Variants in XPC observed in about 807,000 individuals in gnomAD.
The protein encoded by XPC is DNA repair protein complementing XP-C cells.
Under a neutral mutation model 95.8 loss-of-function variants are expected in XPC, and 76 were observed. That is an observed-to-expected ratio of 0.79 (90% confidence interval 0.66 to 0.96). XPC has a LOEUF of 0.96. XPC is among the 40% of genes least tolerant of loss of function. The pLI is 0.00. For synonymous variants in XPC, 442 were observed against 442.1 expected, an observed-to-expected ratio of 1.00 and a Z score of 0.00; for missense variants, 1,146 against 1,179.8, an observed-to-expected ratio of 0.97 and a Z score of 0.42.
chr3:14,177,814 C>A (rs893510249), intron 1 of XPC, among the ~76,000 whole-genome samples: 2 of 151,136 alleles, frequency 1.3e-5, no homozygotes, highest in East Asian at 3.9e-4. Flanking sequence ...TGGACAGGGG[C>A]TGTGGTCATG....
chr3:14,148,451 G>A (rs1695537431), intron 13 of XPC, 111 bp downstream of exon 13: 3 of 1,421,936 alleles, frequency 2.1e-6, no homozygotes, highest in Admixed American at 5.3e-5. Context: ...CTGAAAATTG[G>A]AGCCACCAGG....
At chr3:14,163,444 T>A (rs1346564231) in intron 7 of XPC, among the ~76,000 whole-genome samples, 1 of 152,240 alleles carries the variant, frequency 6.6e-6, no homozygotes, top group Non-Finnish European at 1.5e-5. Context: ...TACTGATACA[T>A]GCTAAAATGC....
chr3:14,148,180 T>A (rs1005972197), intron 13 of XPC, 179 bp from the exon 14 acceptor site: 22 of 604,284 alleles, frequency 3.6e-5, no homozygotes, highest in Admixed American at 2.5e-4. Context: ...AAGCTGGCAC[T>A]GCCTCTTCCT....
rs3731104 is a variant in XPC at position 14,166,548 on chromosome 3, C to T, written c.621+621G>A. Among the ~76,000 whole-genome samples, 116 of 150,688 alleles carry T rather than the reference C, an allele frequency of 7.7e-4. No homozygotes were observed. The South Asian group carries it at 0.021, about 27-fold the overall frequency. On this transcript the variant is annotated intron_variant, in intron 5 of 15. Coordinates refer to ENST00000285021, the MANE Select transcript of XPC (RefSeq NM_004628.5). ...CCCCAACACCTACATACTCCACACA[C>T]GCAGGTGAGCTGGGCACCTCGCCGT...
chr3:14,148,104 G>A (rs923241442), intron 13 of XPC, 103 bp from the exon 14 acceptor site: 8 of 973,006 alleles, frequency 8.2e-6, no homozygotes, highest in African/African-American at 6.6e-5. Flanking sequence ...TGAGCACTAG[G>A]GGTCCTGAAG....
chr3:14,159,913 G>A (rs1696102064), intron 7 of XPC, 83 bp from the exon 8 acceptor site: 13 of 1,352,784 alleles, frequency 9.6e-6, no homozygotes, highest in South Asian at 5.1e-5. Context: ...TATGGTGCTT[G>A]TTCAAGACAG....
At chr3:14,170,229 C>A (rs1203125308) in intron 3 of XPC, among the ~76,000 whole-genome samples, 1 of 152,202 alleles carries the variant, frequency 6.6e-6, no homozygotes, top group Non-Finnish European at 1.5e-5. Context: ...TGACAGTCAC[C>A]AGAGGAAGAG....
intron 1 of XPC, 129 bp from the exon 2 acceptor site, chr3:14,173,191 C>T (rs533686242): frequency 5.9e-4 from 527 of 894,094 alleles, no homozygotes; most frequent in Non-Finnish European, 7.6e-4. Flanking sequence ...GGTTCACCAT[C>T]CCCTGTCTGG....
In XPC at chr3:14,164,922, G is replaced by A. The variant is rs1696314317; in HGVS notation, c.791C>T (p.Thr264Ile). Residue 264 changes from threonine (T) to isoleucine (I), a missense_variant, in exon 7 of 16, where the codon ACA (threonine) becomes ATA (isoleucine). Physicochemically the swap from Thr to Ile is moderately conservative, Grantham distance 89 (BLOSUM62 -1). Transcript: ENST00000285021. ...LSNLVKWFIG[T>I]FTVNAELSAS... ...TGAAAGTTCTGCATTAACTGTAAAT[G>A]TTCCAATGAACCTGGGGAGAAAGCA... is the stretch of plus-strand genomic sequence containing the variant. The A allele has an allele frequency of 6.2e-7, 1 of 1,609,848 alleles. No homozygotes were observed. Among genetic ancestry groups the A allele is most frequent in the Non-Finnish European group, 8.5e-7 (1 of 1,178,122 alleles).
Position 14,172,969 on chromosome 3 carries a change from G to A in XPC, c.197C>T (p.Ser66Leu), listed in dbSNP as rs1696672479. 1 of 1,613,914 alleles carries A rather than the reference G, an allele frequency of 6.2e-7. No homozygotes were observed. The highest frequency in any genetic ancestry group is 1.1e-5 in the South Asian group (1 of 91,066). The change falls in exon 2 of 16, where the codon TCA becomes TTA. Residue 66 changes from serine to leucine, a missense_variant. By Grantham distance (145) the Ser-to-Leu change is moderately radical (BLOSUM62 -2). Coordinates refer to ENST00000285021, the MANE Select transcript of XPC (RefSeq NM_004628.5). ...TTTCTTTTTTGCTGGACCATCTGCT[G>A]AACCCCCAGGATGACTGCAGCCTCT... is the stretch of plus-strand genomic sequence containing the variant. ...RKRGCSHPGG[S>L]ADGPAKKKVA...
chr3:14,169,812 A>G (rs540318953), intron 3 of XPC, among the ~76,000 whole-genome samples: 1 of 152,344 alleles, frequency 6.6e-6, no homozygotes, highest in Non-Finnish European at 1.5e-5. Flanking sequence ...ACCTAGGTGA[A>G]GGACATATAT....
chr3:14,159,305 G>A (rs1285657180), intron 8 of XPC, among the ~76,000 whole-genome samples: 1 of 152,136 alleles, frequency 6.6e-6, no homozygotes, highest in Non-Finnish European at 1.5e-5. Context: ...ACTTAATACA[G>A]CTGTAGTTTT....
intron 7 of XPC, among the ~76,000 whole-genome samples, chr3:14,162,335 C>T (rs1413484439): frequency 1.3e-5 from 2 of 152,200 alleles, no homozygotes; most frequent in Non-Finnish European, 2.9e-5. Flanking sequence ...CCAAAGCACA[C>T]TGTAAATGAA....
chr3:14,162,744 G>C (rs1193504464), intron 7 of XPC, among the ~76,000 whole-genome samples: 1 of 152,026 alleles, frequency 6.6e-6, no homozygotes, highest in African/African-American at 2.4e-5. Flanking sequence ...AAAGCAAAAA[G>C]AACAAAAGAA....
chr3:14,156,385 G>A lies in XPC; in HGVS notation c.1983C>T (p.Pro661=), dbSNP rs1255758517. 9.3e-6 allele frequency: 15 copies of A among 1,613,788 alleles called. No homozygotes were observed. Among genetic ancestry groups the A allele is most frequent in the African/African-American group, 2.7e-5 (2 of 74,910 alleles). ...RHLLKYEAIY[P]ETAAILGYCR... is the part of the protein sequence containing the mutation. Reference sequence around the variant, plus strand: ...AATACCCAAGGATGGCAGCTGTCTCGGGATAGATGGCCTCATATTTCAGGA... The same window carrying A: ...AATACCCAAGGATGGCAGCTGTCTCAGGATAGATGGCCTCATATTTCAGGA... Residue 661 remains proline, a synonymous_variant, in exon 10 of 16, where the codon CCC becomes CCT. Coordinates refer to ENST00000285021, the MANE Select transcript of XPC (RefSeq NM_004628.5).
intron 8 of XPC, 110 bp downstream of exon 8, chr3:14,159,631 C>T (rs1696084675): frequency 8.7e-7 from 1 of 1,143,338 alleles, no homozygotes; most frequent in South Asian, 1.4e-5. Context: ...TCGAAAGAAC[C>T]CACACTCCGT....
rs757229651 is a variant in XPC at position 14,178,531 on chromosome 3, C to T, written c.38G>A (p.Gly13Glu). The T allele has an allele frequency of 6.2e-7, 1 of 1,612,908 alleles. No individual in the cohort carries two copies. Among genetic ancestry groups the T allele is most frequent in the South Asian group, 1.1e-5 (1 of 91,070 alleles). ...GGATTTCTGGCTGCGCAGTTCGCGT[C>T]CCCGCGGCTCCCCGCCGGCCGCGCG... ...RKRAAGGEPR[G>E]RELRSQKSKA... The change falls in exon 1 of 16, where the codon GGA (glycine) becomes GAA (glutamate). Residue 13 changes from glycine to glutamate, a missense_variant. By Grantham distance (98) the Gly-to-Glu change is moderately conservative. Coordinates refer to ENST00000285021, the MANE Select transcript of XPC (RefSeq NM_004628.5).
In XPC at chr3:14,156,331, G is replaced by T. The variant is rs753195190; in HGVS notation, c.2033+4C>A. 1 of 1,608,586 alleles carries T rather than the reference G, an allele frequency of 6.2e-7. No homozygotes were observed. Among genetic ancestry groups the T allele is most frequent in the Non-Finnish European group, 8.5e-7 (1 of 1,176,752 alleles). Reference sequence around the variant, plus strand: ...CCTGAGGCCAACCAGGCTGCCTCACGCACCTGGAGTAGACCGCTTCTCCAC... The same window carrying T: ...CCTGAGGCCAACCAGGCTGCCTCACTCACCTGGAGTAGACCGCTTCTCCAC... On this transcript the variant is annotated splice_donor_region_variant and intron_variant, in intron 10 of 15. Transcript: ENST00000285021.
chr3:14,165,062 C>T (rs949163216), intron 6 of XPC, 129 bp from the exon 7 acceptor site: 2 of 1,359,300 alleles, frequency 1.5e-6, no homozygotes, highest in Admixed American at 2.8e-5. Flanking sequence ...TTCCCCAGCC[C>T]GTCTAGCTAA....
Sources: allele counts gnomAD v4.1 joint callset (sites outside exome capture counted in the v4.1 genomes callset), GRCh38; gene constraint gnomAD v4.1.1; transcripts MANE v1.5; gene names NCBI Gene and HGNC (gene_info 2026-07-23, HGNC 2026-07-21).